GRIN2A: variants seen among roughly 807,000 people sequenced by gnomAD.
GRIN2A encodes glutamate receptor ionotropic, NMDA 2A.
Under a neutral mutation model 113.4 loss-of-function variants are expected in GRIN2A, and 22 were observed. That is an observed-to-expected ratio of 0.19 (90% CI 0.14 to 0.28). The LOEUF is 0.28. Among genes scored for constraint, GRIN2A ranks in the 10% least tolerant of loss-of-function variants. The pLI is 1.00. For missense variants in GRIN2A, 1,502 were observed against 1,887.0 expected (o/e 0.80, Z 3.78); for synonymous variants, 827 against 738.4 (o/e 1.12, Z -1.94).
chr16:10,141,363 C>A (rs2049323551), intron 2 of GRIN2A, among the ~76,000 whole-genome samples: 1 of 152,100 alleles, frequency 6.6e-6, no homozygotes, highest in South Asian at 2.1e-4. Context: ...TGGTATGTGC[C>A]TGTAGTCCCA....
At chr16:9,962,890 G>C (rs2045470993) in intron 2 of GRIN2A, among the ~76,000 whole-genome samples, 1 of 152,030 alleles carries the variant, frequency 6.6e-6, no homozygotes, top group Non-Finnish European at 1.5e-5. Context: ...AACAATGATA[G>C]ACTGGTTTAA....
chr16:9,797,300 T>C (rs1903056691), intron 11 of GRIN2A, among the ~76,000 whole-genome samples: 1 of 152,230 alleles, frequency 6.6e-6, no homozygotes, highest in Admixed American at 6.5e-5. Context: ...GTTAACCTGC[T>C]ATCTGAGCTG....
chr16:10,034,688 C>T (rs2046993383), intron 2 of GRIN2A, among the ~76,000 whole-genome samples: 1 of 95,442 alleles, frequency 1.0e-5, no homozygotes, highest in South Asian at 4.8e-4. Context: ...GAAAACTGGT[C>T]TATCTATTCA....
chr16:10,178,948 A>G (rs1192430284), intron 2 of GRIN2A, among the ~76,000 whole-genome samples: 2 of 152,182 alleles, frequency 1.3e-5, no homozygotes, highest in Admixed American at 6.5e-5. Context: ...TGAACTCCCA[A>G]TCTTTTCTCA....
At chr16:9,781,021 A>C (rs917317135) in intron 11 of GRIN2A, among the ~76,000 whole-genome samples, 1 of 148,064 alleles carries the variant, frequency 6.8e-6, no homozygotes, top group Admixed American at 6.8e-5. Context: ...GTAAACGGCC[A>C]ATTAGTAAAT....
At chr16:9,889,559 C>T (rs1321770938) in intron 4 of GRIN2A, among the ~76,000 whole-genome samples, 1 of 152,146 alleles carries the variant, frequency 6.6e-6, no homozygotes. Flanking sequence ...ATCATTGACA[C>T]TGAATTCACA....
chr16:10,106,175 A>G (rs2048496569), intron 2 of GRIN2A, among the ~76,000 whole-genome samples: 1 of 148,508 alleles, frequency 6.7e-6, no homozygotes, highest in Non-Finnish European at 1.5e-5. Flanking sequence ...GACCATTCTT[A>G]TAAGTGAAAG....
intron 2 of GRIN2A, among the ~76,000 whole-genome samples, chr16:10,119,708 G>A (rs1259681033): frequency 1.3e-5 from 2 of 152,178 alleles, no homozygotes; most frequent in Non-Finnish European, 2.9e-5. Flanking sequence ...TACCTGACAG[G>A]TAGTTTTTTA....
chr16:10,161,710 T>A (rs1305280214), intron 2 of GRIN2A, among the ~76,000 whole-genome samples: 1 of 152,100 alleles, frequency 6.6e-6, no homozygotes, highest in Non-Finnish European at 1.5e-5. Flanking sequence ...AAGTCTGAAG[T>A]GGGTCAAGCA....
At chr16:9,853,725 A>T (rs971752167) in intron 4 of GRIN2A, among the ~76,000 whole-genome samples, 2 of 151,406 alleles carry the variant, frequency 1.3e-5, no homozygotes, top group African/African-American at 2.4e-5. Flanking sequence ...GCCTACTCCA[A>T]TTTTTTTTTA....
At chr16:9,849,309 TA>T (rs2042837212) in intron 5 of GRIN2A, among the ~76,000 whole-genome samples, 1 of 150,046 alleles carries the variant, frequency 6.7e-6, no homozygotes, top group Non-Finnish European at 1.5e-5. Context: ...AATATAAAGA[TA>T]TTTTTTGAAT....
intron 7 of GRIN2A, among the ~76,000 whole-genome samples, chr16:9,838,380 A>C (rs1300845562): frequency 1.3e-5 from 2 of 152,226 alleles, no homozygotes; most frequent in Admixed American, 1.3e-4. Flanking sequence ...ACAATTGCAA[A>C]GATATGGAAT....
chr16:10,117,029 T>A (rs1051629437), intron 2 of GRIN2A, among the ~76,000 whole-genome samples: 26 of 146,776 alleles, frequency 1.8e-4, no homozygotes, highest in African/African-American at 6.3e-4. Context: ...ATCAACAACA[T>A]AGCTACAGGG....
chr16:9,917,975 TG>T (rs2044284155), intron 3 of GRIN2A, among the ~76,000 whole-genome samples: 1 of 152,238 alleles, frequency 6.6e-6, no homozygotes, highest in Non-Finnish European at 1.5e-5. Context: ...TGGCATTTTT[TG>T]TTCTATTTTC....
At chr16:9,800,121 C>G (rs1275668568) in intron 10 of GRIN2A, among the ~76,000 whole-genome samples, 1 of 151,988 alleles carries the variant, frequency 6.6e-6, no homozygotes, top group East Asian at 1.9e-4. Context: ...ATTACAGGTG[C>G]CTGCCACCAC....
chr16:9,912,510 G>A (rs1008842416), intron 3 of GRIN2A, among the ~76,000 whole-genome samples: 18 of 130,562 alleles, frequency 1.4e-4, no homozygotes, highest in African/African-American at 4.3e-4. Context: ...GAGTAAGTGG[G>A]TGGGGTGGGG....
At chr16:9,888,930 G>T (rs1157502906) in intron 4 of GRIN2A, among the ~76,000 whole-genome samples, 2 of 151,868 alleles carry the variant, frequency 1.3e-5, no homozygotes, top group Non-Finnish European at 2.9e-5. Context: ...AACTAATCTT[G>T]CATTCCTCAG....
At chr16:9,878,804 C>T (rs1454741096) in intron 4 of GRIN2A, among the ~76,000 whole-genome samples, 1 of 151,922 alleles carries the variant, frequency 6.6e-6, no homozygotes, top group African/African-American at 2.4e-5. Flanking sequence ...GTTGATGTTA[C>T]AACTGCAACA....
At chr16:10,080,769 C>G (rs1359232901) in intron 2 of GRIN2A, among the ~76,000 whole-genome samples, 1 of 152,142 alleles carries the variant, frequency 6.6e-6, no homozygotes, top group Non-Finnish European at 1.5e-5. Flanking sequence ...GACCCTCTTA[C>G]CATCCAAACA....
Sources: gnomAD v4.1 joint callset for allele counts (sites outside exome capture counted in the v4.1 genomes callset) on GRCh38, gnomAD v4.1.1 for gene constraint, MANE v1.5 for transcripts, NCBI Gene and HGNC (gene_info 2026-07-23, HGNC 2026-07-21) for gene names.